Variants in CD1D observed in about 807,000 individuals in gnomAD.
CD1D encodes CD1d molecule.
CD1D carries 40 observed loss-of-function variants against 42.1 expected under a neutral mutation model. The observed-to-expected ratio is 0.95, with a 90% CI of 0.74 to 1.24. CD1D has a LOEUF of 1.24. Ranked by LOEUF, CD1D falls within the 50% of genes most tolerant of loss-of-function variation. The pLI is 0.00. For synonymous variants in CD1D, 178 were observed against 171.8 expected (o/e 1.04, Z -0.28); for missense variants, 437 against 416.5 (o/e 1.05, Z -0.43).
rs945281085 is a variant in CD1D at position 158,185,755 on chromosome 1, A to G, written c.*1605A>G. Among the ~76,000 whole-genome samples the G allele has an allele frequency of 6.6e-6, 1 of 152,224 alleles. No homozygotes were observed. The highest frequency in any genetic ancestry group is 1.5e-5 in the Non-Finnish European group (1 of 68,038). ...TAGTAACCTGACCAACAGCCTCAGC[A>G]GGACCTGGGAACTTGTTATAAATGC... On this transcript the variant is annotated 3_prime_UTR_variant, in exon 6 of 6. Transcript: ENST00000674085.
Position 158,182,989 on chromosome 1 carries a change from G to A in CD1D, c.719G>A (p.Arg240Gln), listed in dbSNP as rs779426050. 4.1e-5 allele frequency: 66 copies of A among 1,614,060 alleles called. No individual in the cohort carries two copies. Among genetic ancestry groups the A allele is most frequent in the Non-Finnish European group, 5.2e-5 (61 of 1,180,028 alleles). ...AAGCCTGTATGGGTGAAGTGGATGC[G>A]GGGTGAGCAGGAGCAGCAGGGCACT... The part of the protein sequence containing the change: ...YPKPVWVKWM[R>Q]GEQEQQGTQP... The change falls in exon 4 of 6, where the codon CGG becomes CAG. Residue 240 changes from arginine to glutamine, a missense_variant. Physicochemically the swap from Arg to Gln is conservative, Grantham distance 43 (BLOSUM62 1). Coordinates refer to ENST00000674085, the MANE Select transcript of CD1D (RefSeq NM_001371762.2).
Position 158,186,004 on chromosome 1 carries a change from T to G in CD1D, c.*1854T>G, listed in dbSNP as rs918853453. ...AAGGCGTCCTGGAGGGAGGGGAATT[T>G]GAAGCAGAGCTTTGAAAAACAAAGG... On this transcript the variant is annotated 3_prime_UTR_variant, in exon 6 of 6. Transcript: ENST00000674085. 1.3e-5 allele frequency among the ~76,000 whole-genome samples: 2 copies of G among 152,208 alleles called. No individual in the cohort carries two copies. The highest frequency in any genetic ancestry group is 4.8e-5 in the African/African-American group (2 of 41,444).
rs555012544 is a variant in CD1D, at chr1:158,182,226, A to G, written c.523A>G (p.Thr175Ala). 1 of 1,614,178 alleles carries G rather than the reference A, an allele frequency of 6.2e-7. No individual in the cohort carries two copies. Among genetic ancestry groups the G allele is most frequent in the East Asian group, 2.2e-5 (1 of 44,882 alleles). ...VLNQDKWTRETVQWLLNGTCP... is the reference protein window; with the variant it reads ...VLNQDKWTREAVQWLLNGTCP... ...CAACCAGGACAAGTGGACGAGGGAA[A>G]CAGTGCAGTGGCTCCTTAATGGCAC... The change falls in exon 3 of 6, where the codon ACA becomes GCA. Residue 175 changes from threonine (T) to alanine (A), a missense_variant. By Grantham distance (58) the Thr-to-Ala change is moderately conservative. Coordinates refer to ENST00000674085, the MANE Select transcript of CD1D (RefSeq NM_001371762.2).
upstream of CD1D, among the ~76,000 whole-genome samples, chr1:158,179,189 C>T (rs1360959501): frequency 6.7e-6 from 1 of 148,762 alleles, no homozygotes; most frequent in Non-Finnish European, 1.5e-5. Context: ...AATTATTTTT[C>T]TTTTTATTTC....
chr1:158,183,363 C>G (rs61818158), intron 4 of CD1D, among the ~76,000 whole-genome samples: 1 of 152,126 alleles, frequency 6.6e-6, no homozygotes, highest in African/African-American at 2.4e-5. Flanking sequence ...AAATAGTGCT[C>G]TCTATATACA....
At chr1:158,180,673 A>G (rs1648349313), upstream of CD1D, 2 of 169,754 alleles carry the variant, frequency 1.2e-5, no homozygotes, top group Non-Finnish European at 2.5e-5. Flanking sequence ...TGTACTGCTA[A>G]AGCAAGGACT....
upstream of CD1D, chr1:158,180,791 C>T (rs545184433): frequency 8.4e-4 from 298 of 355,418 alleles, no homozygotes; most frequent in Non-Finnish European, 1.3e-3. Context: ...GCGTCCCACA[C>T]GTTGACCCAA....
chr1:158,184,368 G>C lies in CD1D; in HGVS notation c.*218G>C, dbSNP rs1648615232. 5.0e-6 allele frequency: 3 copies of C among 595,364 alleles called. No individual in the cohort carries two copies. The South Asian group carries it at 6.2e-5, about 12-fold the overall frequency. The allele number at this position is 595,364 out of a possible 1,614,324, so 36.9% of individuals were successfully genotyped here. A position where few individuals can be genotyped will look rare whatever the true frequency, so the allele number is the denominator to read the frequency against. ...TTCTTTTTCAAAAATTACACTACAA[G>C]TTTATAAGCCCAAATGGCTCTGTGA... On this transcript the variant is annotated 3_prime_UTR_variant, in exon 6 of 6. Transcript: ENST00000674085.
In CD1D at chr1:158,183,982, G is replaced by C; in HGVS notation, c.933G>C (p.Ala311=). The change falls in exon 5 of 6, where the codon GCG becomes GCC. Residue 311 remains alanine, a synonymous_variant. Transcript: ENST00000674085. ...SMGLIALAVL[A]CLLFLLIVGF... ...GCTTGATTGCCTTGGCAGTCCTGGC[G>C]TGCTTGCTGTTCCTCCTCATTGTGG... 1 of 1,614,192 alleles carries C rather than the reference G, an allele frequency of 6.2e-7. No individual in the cohort carries two copies. Among genetic ancestry groups the C allele is most frequent in the African/African-American group, 1.3e-5 (1 of 75,042 alleles).
chr1:158,181,349 A>G (rs768860937), intron 1 of CD1D, 106 bp from the exon 2 acceptor site: 54 of 1,508,656 alleles, frequency 3.6e-5, no homozygotes, highest in Non-Finnish European at 4.7e-5. Context: ...CGCTGGCATC[A>G]GCCGCCTCCT....
rs1648609734 is a variant in CD1D, at chr1:158,184,222, G to T, written c.*72G>T. 1.4e-6 allele frequency: 2 copies of T among 1,467,602 alleles called. No individual in the cohort carries two copies. The highest frequency in any genetic ancestry group is 9.5e-7 in the Non-Finnish European group (1 of 1,049,822). 90.9% of individuals were successfully genotyped at this position (1,467,602 alleles called of 1,614,324 possible). A position where few individuals can be genotyped will look rare whatever the true frequency, so the allele number is the denominator to read the frequency against. On this transcript the variant is annotated 3_prime_UTR_variant, in exon 6 of 6. Transcript: ENST00000674085. ...TCAGGTTCCTAAGACTTCAGTCCTGGTCTGCTCAGGAATTGAAGATGTAAG... is the reference window on the plus strand; with the variant it reads ...TCAGGTTCCTAAGACTTCAGTCCTGTTCTGCTCAGGAATTGAAGATGTAAG...
Position 158,184,839 on chromosome 1 carries a change from G to C in CD1D, c.*689G>C, listed in dbSNP as rs2101584304. Reference sequence around the variant, plus strand: ...TCTTTAAAAGAAAGTTAGGTTATAAGAAACAGAGGCGTCTCACATTTTTAC... The same window carrying C: ...TCTTTAAAAGAAAGTTAGGTTATAACAAACAGAGGCGTCTCACATTTTTAC... On this transcript the variant is annotated 3_prime_UTR_variant, in exon 6 of 6. Transcript: ENST00000674085. 1 of 152,278 alleles carries C rather than the reference G, an allele frequency of 6.6e-6. No homozygotes were observed. Among genetic ancestry groups the C allele is most frequent in the Middle Eastern group, 3.4e-3 (1 of 294 alleles). 9.4% of individuals were successfully genotyped at this position (152,278 alleles called of 1,614,324 possible). A position where few individuals can be genotyped will look rare whatever the true frequency, so the allele number is the denominator to read the frequency against.
In CD1D at chr1:158,184,313, C is replaced by A. The variant is rs1257248856; in HGVS notation, c.*163C>A. ...AGTCATGAGGCAGCTTTCATCACAC[C>A]CTTTTAACATTTATCTAAAAGAATT... On this transcript the variant is annotated 3_prime_UTR_variant, in exon 6 of 6. Coordinates refer to ENST00000674085, the MANE Select transcript of CD1D (RefSeq NM_001371762.2). 22 of 686,238 alleles carry A rather than the reference C, an allele frequency of 3.2e-5. No individual in the cohort carries two copies. The highest frequency in any genetic ancestry group is 4.3e-5 in the Non-Finnish European group (17 of 392,696). 42.5% of individuals were successfully genotyped at this position (686,238 alleles called of 1,614,324 possible).
chr1:158,182,049 G>T lies in CD1D; in HGVS notation c.346G>T (p.Val116Leu), dbSNP rs1243821135. The T allele has an allele frequency of 6.2e-7, 1 of 1,609,172 alleles. No homozygotes were observed. The highest frequency in any genetic ancestry group is 1.7e-5 in the Admixed American group (1 of 59,608). Residue 116 changes from valine to leucine, a missense_variant, in exon 3 of 6, where the codon GTG (valine) becomes TTG (leucine). Coordinates refer to ENST00000674085, the MANE Select transcript of CD1D (RefSeq NM_001371762.2). ...LRLSYPLELQ[V>L]SAGCEVHPGN... ...CTCCACAGATCCCTTGGAGCTCCAG[G>T]TGTCCGCTGGCTGTGAGGTGCACCC...
At chr1:158,183,276 C>T (rs907604543) in intron 4 of CD1D, 120 bp downstream of exon 4, 5 of 1,211,402 alleles carry the variant, frequency 4.1e-6, no homozygotes, top group African/African-American at 1.5e-5. Flanking sequence ...GAGATGAGGC[C>T]CCCAGTAAAA....
At position 158,184,150 on chromosome 1, in the gene CD1D, A is replaced by G. The variant is rs2101583307; in HGVS notation, c.1008A>G (p.Ter336TrpextTer32). The change falls in exon 6 of 6, where the codon TGA (stop) becomes TGG (tryptophan). Residue 336 changes from the stop codon to tryptophan, a stop_lost. Coordinates refer to ENST00000674085, the MANE Select transcript of CD1D (RefSeq NM_001371762.2). ...KRQTSYQGVL[*>W] The stretch of plus-strand genomic sequence containing the variant: ...ACAGTTCCTATCAGGGCGTCCTGTG[A>G]CTCGCCTTGCCACATCTGTGTCTCT... 6.2e-7 allele frequency: 1 copy of G among 1,613,112 alleles called. No homozygotes were observed. The highest frequency in any genetic ancestry group is 1.7e-5 in the Admixed American group (1 of 59,912).
chr1:158,180,902 G>T lies in CD1D; in HGVS notation c.-200G>T. 2.2e-6 allele frequency: 1 copy of T among 448,846 alleles called. No individual in the cohort carries two copies. 27.8% of individuals were successfully genotyped at this position (448,846 alleles called of 1,614,324 possible). ...TGGGACCCCGACCTCTTTGCAGCTC[G>T]CACAGCTAAGGGCGAGGGCGCCCTT... is the stretch of plus-strand genomic sequence containing the variant. On this transcript the variant is annotated 5_prime_UTR_variant, in exon 1 of 6. Transcript: ENST00000674085.
intron 4 of CD1D, 118 bp downstream of exon 4, chr1:158,183,274 G>A (rs563918167): frequency 5.1e-4 from 631 of 1,231,624 alleles, no homozygotes; most frequent in Middle Eastern, 1.2e-3. Flanking sequence ...CAGAGATGAG[G>A]CCCCCAGTAA....
In CD1D at chr1:158,185,586, G is replaced by A. The variant is rs1648673199; in HGVS notation, c.*1436G>A. Reference sequence around the variant, plus strand: ...CGCCTGTAGTCCTAGCTACTCTGGAGGCTGAGGTGGGAGGATCCCTTGAGC... The same window carrying A: ...CGCCTGTAGTCCTAGCTACTCTGGAAGCTGAGGTGGGAGGATCCCTTGAGC... On this transcript the variant is annotated 3_prime_UTR_variant, in exon 6 of 6. Transcript: ENST00000674085. Among the ~76,000 whole-genome samples the A allele has an allele frequency of 6.6e-6, 1 of 152,154 alleles. No individual in the cohort carries two copies. Among genetic ancestry groups the A allele is most frequent in the South Asian group, 2.1e-4 (1 of 4,828 alleles).
Sources: gnomAD v4.1 joint callset for allele counts (sites outside exome capture counted in the v4.1 genomes callset) on GRCh38, gnomAD v4.1.1 for gene constraint, MANE v1.5 for transcripts, NCBI Gene and HGNC (gene_info 2026-07-23, HGNC 2026-07-21) for gene names.